HS3ST3A1: variants seen among roughly 807,000 people sequenced by gnomAD.
The protein encoded by HS3ST3A1 is heparan sulfate-glucosamine 3-sulfotransferase 3A1, also known as heparan sulfate glucosamine 3-O-sulfotransferase 3A1.
Under a neutral mutation model 25.7 loss-of-function variants are expected in HS3ST3A1, and 19 were observed. The ratio of observed to expected loss-of-function variants is 0.74; its 90% confidence interval spans 0.52 to 1.08. The LOEUF is 1.08. HS3ST3A1 is among the 50% of genes least tolerant of loss of function. The pLI is 0.00. For synonymous variants in HS3ST3A1, 226 were observed against 278.6 expected, an observed-to-expected ratio of 0.81 and a Z score of 1.88; for missense variants, 459 against 594.3, an observed-to-expected ratio of 0.77 and a Z score of 2.37.
At chr17:13,580,047 C>T (rs901668028) in intron 1 of HS3ST3A1, among the ~76,000 whole-genome samples, 7 of 151,722 alleles carry the variant, frequency 4.6e-5, no homozygotes, top group African/African-American at 1.2e-4. Flanking sequence ...TTTGCATTTG[C>T]CATGTCTTGC....
chr17:13,599,383 G>C (rs1451990659), intron 1 of HS3ST3A1, among the ~76,000 whole-genome samples: 1 of 152,164 alleles, frequency 6.6e-6, no homozygotes, highest in East Asian at 1.9e-4. Context: ...GGCCCCTCAA[G>C]TAAATAAACT....
At chr17:13,528,902 A>G (rs1311154680) in intron 1 of HS3ST3A1, among the ~76,000 whole-genome samples, 1 of 150,788 alleles carries the variant, frequency 6.6e-6, no homozygotes, top group East Asian at 2.0e-4. Context: ...TGGGTAATGC[A>G]TGGAACCATG....
chr17:13,497,407 T>C (rs1255544854), intron 1 of HS3ST3A1, among the ~76,000 whole-genome samples: 1 of 152,242 alleles, frequency 6.6e-6, no homozygotes, highest in East Asian at 1.9e-4. Context: ...ATTCTAAATA[T>C]GTTGATTCCT....
At chr17:13,554,360 T>C (rs968273859) in intron 1 of HS3ST3A1, among the ~76,000 whole-genome samples, 2 of 152,200 alleles carry the variant, frequency 1.3e-5, no homozygotes, top group African/African-American at 4.8e-5. Flanking sequence ...CCAATTTTAG[T>C]AGCAAATGAG....
chr17:13,529,939 A>G (rs969800398), intron 1 of HS3ST3A1, among the ~76,000 whole-genome samples: 3 of 151,804 alleles, frequency 2.0e-5, no homozygotes, highest in East Asian at 1.9e-4. Context: ...ATGTTTAAGG[A>G]AAAAAAATGA....
chr17:13,534,371 T>C (rs186241341), intron 1 of HS3ST3A1, among the ~76,000 whole-genome samples: 43 of 151,960 alleles, frequency 2.8e-4, no homozygotes, highest in Admixed American at 2.6e-3. Flanking sequence ...TCTCAACACA[T>C]ACAGTCAGTT....
intron 1 of HS3ST3A1, among the ~76,000 whole-genome samples, chr17:13,552,303 G>A (rs552511401): frequency 2.0e-5 from 3 of 152,170 alleles, no homozygotes; most frequent in South Asian, 2.1e-4. Context: ...GACTGGTCTC[G>A]AACTCCTGAC....
rs115027390 is a variant in HS3ST3A1, at chr17:13,564,536, T to C, written c.599+35995A>G. 5.8e-3 allele frequency among the ~76,000 whole-genome samples: 877 copies of C among 152,246 alleles called. 9 individuals are homozygous for C. Among genetic ancestry groups the C allele is most frequent in the African/African-American group, 0.02 (841 of 41,538 alleles). ...ACATTTAAATCTTCTCTAGATTACT[T>C]GTAATACCTAACAGAATGGAAATGC... On this transcript the variant is annotated intron_variant, in intron 1 of 1. Coordinates refer to ENST00000284110, the MANE Select transcript of HS3ST3A1 (RefSeq NM_006042.3).
At chr17:13,557,509 C>A (rs546082073) in intron 1 of HS3ST3A1, among the ~76,000 whole-genome samples, 1 of 151,708 alleles carries the variant, frequency 6.6e-6, no homozygotes, top group Non-Finnish European at 1.5e-5. Flanking sequence ...CTGTCCAATA[C>A]TCTCACTAAA....
At position 13,503,541 on chromosome 17, in the gene HS3ST3A1, G is replaced by A. The variant is rs138311473; in HGVS notation, c.600-6723C>T. ...ATATTGAAATATCACTCTGTGTCCC[G>A]TAAGTATGTATAATTATTAGGTGTC... On this transcript the variant is annotated intron_variant, in intron 1 of 1. Coordinates refer to ENST00000284110, the MANE Select transcript of HS3ST3A1 (RefSeq NM_006042.3). 4.5e-3 allele frequency among the ~76,000 whole-genome samples: 692 copies of A among 152,244 alleles called. 5 individuals carry two copies. Among genetic ancestry groups the A allele is most frequent in the African/African-American group, 0.016 (646 of 41,542 alleles).
At chr17:13,498,639 CAAG>C (rs917904324) in intron 1 of HS3ST3A1, among the ~76,000 whole-genome samples, 3 of 152,206 alleles carry the variant, frequency 2.0e-5, no homozygotes, top group African/African-American at 7.2e-5. Flanking sequence ...GTGCAGAGGC[CAAG>C]AAGAATCTAG....
At chr17:13,598,904 A>G (rs1908649748) in intron 1 of HS3ST3A1, among the ~76,000 whole-genome samples, 1 of 152,242 alleles carries the variant, frequency 6.6e-6, no homozygotes, top group Non-Finnish European at 1.5e-5. Flanking sequence ...CACCATATTT[A>G]ATAGCACCTC....
rs1457458058 is a variant in HS3ST3A1, at chr17:13,585,866, TTC to T, written c.599+14663_599+14664del. ...TTTTTTTTTTTTTTTTTTTTTTTTT[TTC>T]TGACAGAGTCTCGCTCTGTCGCCCA... On this transcript the variant is annotated intron_variant, in intron 1 of 1. Coordinates refer to ENST00000284110, the MANE Select transcript of HS3ST3A1 (RefSeq NM_006042.3). 3.5e-5 allele frequency among the ~76,000 whole-genome samples: 5 copies of T among 144,102 alleles called. 1 individual carries two copies. Among genetic ancestry groups the T allele is most frequent in the East Asian group, 4.0e-4 (2 of 4,986 alleles). 94.5% of individuals were successfully genotyped at this position (144,102 alleles called of 152,430 possible). A position where few individuals can be genotyped will look rare whatever the true frequency, so the allele number is the denominator to read the frequency against.
intron 1 of HS3ST3A1, among the ~76,000 whole-genome samples, chr17:13,596,671 C>T (rs1285252725): frequency 6.6e-6 from 1 of 152,122 alleles, no homozygotes; most frequent in Non-Finnish European, 1.5e-5. Flanking sequence ...AATGTTCTTT[C>T]CTCTGCTCTA....
chr17:13,507,772 G>A (rs1302245658), intron 1 of HS3ST3A1, among the ~76,000 whole-genome samples: 4 of 152,126 alleles, frequency 2.6e-5, no homozygotes, highest in African/African-American at 9.7e-5. Flanking sequence ...GGAAGCCTCT[G>A]GCAGCAGAAC....
At chr17:13,518,158 G>A (rs1906114956) in intron 1 of HS3ST3A1, among the ~76,000 whole-genome samples, 1 of 152,152 alleles carries the variant, frequency 6.6e-6, no homozygotes, top group African/African-American at 2.4e-5. Context: ...TTAATTTACA[G>A]AAATTACAGT....
chr17:13,534,571 A>T (rs1906711057), intron 1 of HS3ST3A1, among the ~76,000 whole-genome samples: 1 of 148,732 alleles, frequency 6.7e-6, no homozygotes, highest in Non-Finnish European at 1.5e-5. Flanking sequence ...AAAAAAAAAA[A>T]AAAAAAGTTA....
chr17:13,512,948 T>C (rs1327435268), intron 1 of HS3ST3A1, among the ~76,000 whole-genome samples: 1 of 152,218 alleles, frequency 6.6e-6, no homozygotes, highest in African/African-American at 2.4e-5. Flanking sequence ...TATATATTTT[T>C]TCTGTTTTGT....
chr17:13,570,551 C>T (rs946456859), intron 1 of HS3ST3A1, among the ~76,000 whole-genome samples: 2 of 152,176 alleles, frequency 1.3e-5, no homozygotes, highest in Non-Finnish European at 2.9e-5. Flanking sequence ...ACAATCACAG[C>T]TCAGTGTAGC....
Sources: allele counts gnomAD v4.1 joint callset (sites outside exome capture counted in the v4.1 genomes callset), GRCh38; gene constraint gnomAD v4.1.1; transcripts MANE v1.5; gene names NCBI Gene and HGNC (gene_info 2026-07-23, HGNC 2026-07-21).